MEF2B: variants seen among roughly 807,000 people sequenced by gnomAD.
MEF2B encodes myocyte enhancer factor 2B, also known as myocyte-specific enhancer factor 2B.
In MEF2B, 15 loss-of-function variants were observed where a neutral mutation model predicts 32.2. That is an observed-to-expected ratio of 0.47 (90% CI 0.31 to 0.72). MEF2B has a LOEUF of 0.72. MEF2B is among the 30% of genes least tolerant of loss of function. The pLI is 0.05. For synonymous variants in MEF2B, 205 were observed against 225.6 expected, an observed-to-expected ratio of 0.91 and a Z score of 0.82; for missense variants, 441 against 511.5, an observed-to-expected ratio of 0.86 and a Z score of 1.33.
rs778748629 is a variant in MEF2B, at chr19:19,150,757, A to T, written c.-22T>A. ...CCATCGTCCCAGGCTGAGTGGAATG[A>T]TCTTTGTCTAGGAGGAGAAGAGGGA... is the stretch of plus-strand genomic sequence containing the variant. On this transcript the variant is annotated 5_prime_UTR_variant, in exon 2 of 9. Coordinates refer to ENST00000424583, the MANE Select transcript of MEF2B (RefSeq NM_001145785.2). The T allele has an allele frequency of 6.2e-7, 1 of 1,614,060 alleles. No individual in the cohort carries two copies. Among genetic ancestry groups the T allele is most frequent in the Non-Finnish European group, 8.5e-7 (1 of 1,180,008 alleles).
At chr19:19,156,347 C>A (rs1323744436) in intron 1 of MEF2B, among the ~76,000 whole-genome samples, 1 of 151,708 alleles carries the variant, frequency 6.6e-6, no homozygotes, top group Non-Finnish European at 1.5e-5. Context: ...TTGCTTGAGC[C>A]TAGCGGTTCA....
chr19:19,167,350 C>CA (rs34446494), intron 1 of MEF2B, among the ~76,000 whole-genome samples: 2,756 of 98,470 alleles, frequency 0.028, 44 homozygotes, highest in Admixed American at 0.056. Context: ...GACTCTGTCT[C>CA]AAAAAAAAAA....
intron 1 of MEF2B, among the ~76,000 whole-genome samples, chr19:19,169,195 A>T (rs1199037586): frequency 6.6e-6 from 1 of 152,102 alleles, no homozygotes; most frequent in Non-Finnish European, 1.5e-5. Context: ...TCTACTAAAA[A>T]TACAAAAACT....
At chr19:19,159,547 G>T (rs1338133000) in intron 1 of MEF2B, among the ~76,000 whole-genome samples, 2 of 152,126 alleles carry the variant, frequency 1.3e-5, no homozygotes, top group Non-Finnish European at 2.9e-5. Context: ...GACAGGGGTG[G>T]CACCTGGGCA....
intron 1 of MEF2B, 49 bp from the exon 2 acceptor site, chr19:19,150,813 A>C: frequency 6.2e-7 from 1 of 1,603,912 alleles, no homozygotes. Flanking sequence ...GAGAGTGGGG[A>C]GGGGTACCCC....
At chr19:19,170,082 C>A in intron 1 of MEF2B, 123 bp downstream of exon 1, 1 of 397,470 alleles carries the variant, frequency 2.5e-6, no homozygotes, top group Non-Finnish European at 4.4e-6. Flanking sequence ...ACGACACACA[C>A]CCCTTTAGAC....
At chr19:19,152,945 G>A (rs981761931) in intron 1 of MEF2B, among the ~76,000 whole-genome samples, 2 of 152,198 alleles carry the variant, frequency 1.3e-5, no homozygotes, top group East Asian at 1.9e-4. Context: ...CCTCAGCTCC[G>A]GCTTGACTTG....
intron 1 of MEF2B, 39 bp downstream of exon 1, chr19:19,170,166 G>C: frequency 2.5e-6 from 1 of 398,692 alleles, no homozygotes; most frequent in Non-Finnish European, 4.4e-6. Context: ...AAGCCGTTCA[G>C]AGGACACCAC....
chr19:19,156,838 G>C (rs1322802463), intron 1 of MEF2B, among the ~76,000 whole-genome samples: 1 of 152,064 alleles, frequency 6.6e-6, no homozygotes, highest in African/African-American at 2.4e-5. Context: ...ACTTTTTATA[G>C]AGATGGCGAT....
In MEF2B at chr19:19,147,147, A is replaced by T. The variant is rs756921112; in HGVS notation, c.430T>A (p.Tyr144Asn). The change falls in exon 5 of 9, where the codon TAC becomes AAC. Residue 144 changes from tyrosine (Y) to asparagine (N), a missense_variant. This residue lies in a region of MEF2B where 326 missense variants were observed against 328.4 expected (regional missense o/e 0.99). Coordinates refer to ENST00000424583, the MANE Select transcript of MEF2B (RefSeq NM_001145785.2). ...CAGCCTGGTGGCGGTAAGGCCCCGT[A>T]TACCACATCTGGGCTGGGCATAGCA... is the stretch of plus-strand genomic sequence containing the variant. ...APAMPSPDVV[Y>N]GALPPPGCDP... 24 of 1,593,418 alleles carry T rather than the reference A, an allele frequency of 1.5e-5. 1 individual carries two copies. In the South Asian group the frequency reaches 2.7e-4, roughly 18 times the overall value.
Position 19,161,106 on chromosome 19 carries a change from C to T in MEF2B, c.-30+9099G>A, listed in dbSNP as rs144720400. On this transcript the variant is annotated intron_variant, in intron 1 of 8. Coordinates refer to ENST00000424583, the MANE Select transcript of MEF2B (RefSeq NM_001145785.2). Reference sequence around the variant, plus strand: ...AGTCAGGGGGCAGCAGGGGCCACCTCGCTGAACTGGGGGGAGGGGCTTCAC... The same window carrying T: ...AGTCAGGGGGCAGCAGGGGCCACCTTGCTGAACTGGGGGGAGGGGCTTCAC... Among the ~76,000 whole-genome samples the T allele has an allele frequency of 9.0e-3, 1,374 of 152,142 alleles. 12 individuals carry two copies. Among genetic ancestry groups the T allele is most frequent in the Admixed American group, 0.017 (252 of 15,272 alleles).
At chr19:19,160,672 G>A (rs540527407) in intron 1 of MEF2B, among the ~76,000 whole-genome samples, 5 of 151,898 alleles carry the variant, frequency 3.3e-5, no homozygotes, top group Admixed American at 3.3e-4. Flanking sequence ...GAAGCGGGGA[G>A]GGGGCGCTGC....
At chr19:19,166,364 T>G (rs888034494) in intron 1 of MEF2B, among the ~76,000 whole-genome samples, 1 of 151,908 alleles carries the variant, frequency 6.6e-6, no homozygotes, top group Non-Finnish European at 1.5e-5. Context: ...GGCTGAGAAA[T>G]GGGATTTAAC....
chr19:19,168,268 C>CTT (rs1050853160), intron 1 of MEF2B, among the ~76,000 whole-genome samples: 186 of 98,878 alleles, frequency 1.9e-3, no homozygotes, highest in African/African-American at 2.1e-3. Flanking sequence ...TTTCTTTCTT[C>CTT]TTTTTTTTTT....
At chr19:19,157,126 C>A in intron 1 of MEF2B, 1 of 212,090 alleles carries the variant, frequency 4.7e-6, no homozygotes, top group South Asian at 6.5e-5. Flanking sequence ...TCTTCCACTT[C>A]CAGCTCTCAT....
At position 19,145,740 on chromosome 19, in the gene MEF2B, C is replaced by G. The variant is rs764879648; in HGVS notation, c.*57G>C. On this transcript the variant is annotated 3_prime_UTR_variant, in exon 9 of 9. Coordinates refer to ENST00000424583, the MANE Select transcript of MEF2B (RefSeq NM_001145785.2). The surrounding 1 kb of genome is among the most constrained non-coding windows in gnomAD (Gnocchi z 4.6). ...AGAGGCCTGGAGGGAGGTGGGGTCC[C>G]CACGTGCCCTCGCCGTACCTGGCGA... The G allele has an allele frequency of 9.6e-6, 15 of 1,558,494 alleles. No homozygotes were observed. In the Admixed American group the frequency reaches 2.9e-4, roughly 30 times the overall value.
At chr19:19,153,778 T>TCTTG (rs1187784861) in intron 1 of MEF2B, among the ~76,000 whole-genome samples, 1 of 152,054 alleles carries the variant, frequency 6.6e-6, no homozygotes, top group Non-Finnish European at 1.5e-5. Flanking sequence ...TTTGAGACAG[T>TCTTG]CTTGCTCTGT....
intron 1 of MEF2B, among the ~76,000 whole-genome samples, chr19:19,158,919 A>G (rs1320374827): frequency 6.6e-6 from 1 of 151,010 alleles, no homozygotes; most frequent in Non-Finnish European, 1.5e-5. Context: ...CCCGGGCAAC[A>G]TTGTGAGACT....
At chr19:19,160,059 C>T (rs1259781132) in intron 1 of MEF2B, among the ~76,000 whole-genome samples, 1 of 150,810 alleles carries the variant, frequency 6.6e-6, no homozygotes, top group Non-Finnish European at 1.5e-5. Flanking sequence ...ACCACTGCTT[C>T]CCAGGTTTAA....
Sources: gnomAD v4.1 joint callset for allele counts (sites outside exome capture counted in the v4.1 genomes callset) on GRCh38, gnomAD v4.1.1 for gene constraint, gnomAD v4.1.1 regional missense constraint, Gnocchi (gnomAD v3.1) non-coding constraint, MANE v1.5 for transcripts, NCBI Gene and HGNC (gene_info 2026-07-23, HGNC 2026-07-21) for gene names.